Variants in ARHGAP25 observed in about 807,000 individuals in gnomAD.
The protein encoded by ARHGAP25 is rho GTPase-activating protein 25.
In ARHGAP25, 34 loss-of-function variants were observed where a neutral mutation model predicts 71.0. The ratio of observed to expected loss-of-function variants is 0.48; its 90% CI spans 0.36 to 0.64. The LOEUF (loss-of-function observed/expected upper bound fraction) is 0.64. Ranked by LOEUF, ARHGAP25 falls within the 30% of genes least tolerant of loss-of-function variation. The pLI, the probability that ARHGAP25 is intolerant of heterozygous loss-of-function variation, is 0.00. For missense variants in ARHGAP25, 706 were observed against 805.1 expected (o/e 0.88, Z 1.49); for synonymous variants, 282 against 296.5 (o/e 0.95, Z 0.50).
Position 68,825,998 on chromosome 2 carries a change from A to G in ARHGAP25, c.1745A>G (p.Glu582Gly), listed in dbSNP as rs776579399. The change falls in exon 11 of 11, where the codon GAA becomes GGA. Residue 582 changes from glutamate to glycine, a missense_variant. Glu to Gly is a moderately conservative substitution (Grantham distance 98, BLOSUM62 -2). Transcript: ENST00000409202. ...YEEQIKNLEK[E>G]NYDVWAKVVR... is the part of the protein sequence containing the mutation. The stretch of plus-strand genomic sequence containing the variant: ...TTCCTTCCTTGTAGCCTTGAGAAGG[A>G]AAATTATGACGTTTGGGCTAAAGTG... 43 of 1,612,088 alleles carry G rather than the reference A, an allele frequency of 2.7e-5. No homozygotes were observed. Among genetic ancestry groups the G allele is most frequent in the Non-Finnish European group, 3.3e-5 (39 of 1,179,376 alleles).
chr2:68,793,142 G>A (rs1655675445), intron 4 of ARHGAP25, among the ~76,000 whole-genome samples: 1 of 151,842 alleles, frequency 6.6e-6, no homozygotes, highest in South Asian at 2.1e-4. Context: ...TTGTTGTTGA[G>A]TTATTTGAGC....
chr2:68,724,964 T>C (rs1461487884), intron 2 of ARHGAP25, among the ~76,000 whole-genome samples: 1 of 152,206 alleles, frequency 6.6e-6, no homozygotes, highest in Non-Finnish European at 1.5e-5. Context: ...GTCTATATTG[T>C]GTTGCTTTTC....
intron 2 of ARHGAP25, among the ~76,000 whole-genome samples, chr2:68,723,565 G>T (rs1030141916): frequency 2.6e-5 from 4 of 152,186 alleles, no homozygotes; most frequent in African/African-American, 9.7e-5. Flanking sequence ...CATTCCAAAT[G>T]CTTTTCTCAG....
intron 1 of ARHGAP25, among the ~76,000 whole-genome samples, chr2:68,760,774 G>A (rs905973174): frequency 6.6e-6 from 1 of 150,398 alleles, no homozygotes; most frequent in East Asian, 1.9e-4. Context: ...CAGATTTAAT[G>A]CAATTCCTAT....
At chr2:68,735,339 C>T (rs1165250265) in intron 1 of ARHGAP25, 79 bp downstream of exon 1, 1 of 1,412,978 alleles carries the variant, frequency 7.1e-7, no homozygotes, top group Non-Finnish European at 1.0e-6. Context: ...CTGCAGGGAG[C>T]ATAGTCTACT....
At chr2:68,736,259 A>T (rs1386687136) in intron 1 of ARHGAP25, among the ~76,000 whole-genome samples, 1 of 152,234 alleles carries the variant, frequency 6.6e-6, no homozygotes, top group Non-Finnish European at 1.5e-5. Context: ...GGTTTGAAAG[A>T]AAACAGAGTA....
chr2:68,775,498 T>C, intron 2 of ARHGAP25, 78 bp downstream of exon 2: 2 of 1,601,442 alleles, frequency 1.2e-6, no homozygotes, highest in Non-Finnish European at 1.7e-6. Flanking sequence ...TCACTTAAAC[T>C]CACAGGGGCC....
At position 68,813,348 on chromosome 2, in the gene ARHGAP25, C is replaced by G; in HGVS notation, c.736C>G (p.Pro246Ala). ...GCTCTACCTCCGAGACCTCCCAGAG[C>G]CCGTGGTTCCCTGGAGCCAGTACGA... ...LKLYLRDLPE[P>A]VVPWSQYEGF... Residue 246 changes from proline to alanine, a missense_variant, in exon 6 of 11, where the codon CCC (proline) becomes GCC (alanine). Physicochemically the swap from Pro to Ala is conservative, Grantham distance 27. Transcript: ENST00000409202. 6.2e-7 allele frequency: 1 copy of G among 1,613,888 alleles called. No individual in the cohort carries two copies. The highest frequency in any genetic ancestry group is 8.5e-7 in the Non-Finnish European group (1 of 1,179,918).
chr2:68,754,829 C>T (rs968888292), intron 1 of ARHGAP25, among the ~76,000 whole-genome samples: 1 of 152,098 alleles, frequency 6.6e-6, no homozygotes, highest in Non-Finnish European at 1.5e-5. Flanking sequence ...TTTACATTTT[C>T]CTAATGACTA....
At chr2:68,749,155 G>A (rs1432188273) in intron 1 of ARHGAP25, among the ~76,000 whole-genome samples, 1 of 152,088 alleles carries the variant, frequency 6.6e-6, no homozygotes, top group African/African-American at 2.4e-5. Flanking sequence ...GATGGATGTG[G>A]GTGGAAGAGA....
At chr2:68,790,744 C>T (rs572342686) in intron 4 of ARHGAP25, among the ~76,000 whole-genome samples, 2 of 152,220 alleles carry the variant, frequency 1.3e-5, no homozygotes, top group Admixed American at 6.5e-5. Context: ...TTCACCCCTG[C>T]CTTCTTACAG....
chr2:68,772,998 C>T (rs944525918), intron 1 of ARHGAP25, among the ~76,000 whole-genome samples: 4 of 152,284 alleles, frequency 2.6e-5, no homozygotes, highest in East Asian at 3.9e-4. Context: ...TGTCTTGCAA[C>T]GTGGGATACA....
At chr2:68,739,937 G>T (rs906412630) in intron 1 of ARHGAP25, among the ~76,000 whole-genome samples, 1 of 152,160 alleles carries the variant, frequency 6.6e-6, no homozygotes, top group Non-Finnish European at 1.5e-5. Flanking sequence ...CCATAGGTCT[G>T]GCAGACCTAG....
At chr2:68,743,162 TG>T (rs1049731457) in intron 1 of ARHGAP25, among the ~76,000 whole-genome samples, 5 of 152,190 alleles carry the variant, frequency 3.3e-5, no homozygotes, top group Non-Finnish European at 5.9e-5. Flanking sequence ...AGAGTGACTC[TG>T]GGTTGTTTGC....
intron 5 of ARHGAP25, among the ~76,000 whole-genome samples, chr2:68,808,653 A>G (rs1007675670): frequency 6.6e-5 from 10 of 152,248 alleles, no homozygotes; most frequent in Non-Finnish European, 8.8e-5. Context: ...CAGCAGCACC[A>G]TAAACTGCAC....
chr2:68,749,411 C>T (rs1009630021), intron 1 of ARHGAP25, among the ~76,000 whole-genome samples: 8 of 152,192 alleles, frequency 5.3e-5, no homozygotes, highest in African/African-American at 1.9e-4. Context: ...ACCGTCAGTC[C>T]TGTCCACCTC....
At chr2:68,758,066 T>C (rs1676586454) in intron 1 of ARHGAP25, among the ~76,000 whole-genome samples, 1 of 152,042 alleles carries the variant, frequency 6.6e-6, no homozygotes, top group South Asian at 2.1e-4. Context: ...GGATAGTAAG[T>C]GTAATCCCAA....
At chr2:68,753,552 G>A (rs1676305965) in intron 1 of ARHGAP25, among the ~76,000 whole-genome samples, 1 of 152,204 alleles carries the variant, frequency 6.6e-6, no homozygotes. Context: ...GCCAGGCGTG[G>A]CATCGCATGG....
Position 68,782,226 on chromosome 2 carries a change from C to T in ARHGAP25, c.262-7C>T, listed in dbSNP as rs546243911. On this transcript the variant is annotated splice_region_variant and splice_polypyrimidine_tract_variant and intron_variant, in intron 2 of 10. Transcript: ENST00000409202. ...TTATCCTTAAGGCCTGACTTTTCAT[C>T]TTTCAGGGCTGCATGTATCTACCAG... 2 of 1,613,412 alleles carry T rather than the reference C, an allele frequency of 1.2e-6. No individual in the cohort carries two copies. The highest frequency in any genetic ancestry group is 1.7e-4 in the Middle Eastern group (1 of 6,058).
Sources: allele counts gnomAD v4.1 joint callset (sites outside exome capture counted in the v4.1 genomes callset), GRCh38; gene constraint gnomAD v4.1.1; transcripts MANE v1.5; gene names NCBI Gene and HGNC (gene_info 2026-07-23, HGNC 2026-07-21).